Variants in NEBL observed in about 807,000 individuals in gnomAD.
The protein encoded by NEBL is nebulette.
A neutral mutation model predicts 140.2 loss-of-function variants in NEBL; 122 were observed. That is an observed-to-expected ratio of 0.87 (90% CI 0.75 to 1.01). The LOEUF (loss-of-function observed/expected upper bound fraction) is 1.01. Among genes scored for constraint, NEBL ranks in the 50% least tolerant of loss-of-function variants. The probability of loss-of-function intolerance (pLI) is 0.00; values close to 1 mark genes in which losing one functional copy is unlikely to be tolerated. For synonymous variants in NEBL, 436 were observed against 398.9 expected (o/e 1.09, Z -1.11); for missense variants, 1,365 against 1,231.3 (o/e 1.11, Z -1.62).
chr10:20,997,300 G>T (rs1347691637), intron 3 of NEBL, among the ~76,000 whole-genome samples: 1 of 151,840 alleles, frequency 6.6e-6, no homozygotes, highest in Non-Finnish European at 1.5e-5. Flanking sequence ...GCCAGTAACA[G>T]TCCCTGTTAC....
At chr10:20,796,162 G>A (rs1012785284) in intron 26 of NEBL, among the ~76,000 whole-genome samples, 14 of 151,786 alleles carry the variant, frequency 9.2e-5, no homozygotes, top group Admixed American at 2.6e-4. Flanking sequence ...TCAGGAGTTC[G>A]AGACCAGCCT....
intron 2 of NEBL, among the ~76,000 whole-genome samples, chr10:21,027,226 G>C (rs1477528137): frequency 6.6e-6 from 1 of 151,746 alleles, no homozygotes; most frequent in African/African-American, 2.4e-5. Context: ...GGGGACCCCA[G>C]CACAGGCCCC....
chr10:20,859,808 A>G lies in NEBL; in HGVS notation c.703T>C (p.Phe235Leu), dbSNP rs1250613467. The change falls in exon 8 of 28, where the codon TTT becomes CTT. Residue 235 changes from phenylalanine to leucine, a missense_variant. Transcript: ENST00000377122. ...TTCTTATCCTTCATTTCATTATCAAATTTTTCTTTGTATTTAATCTGTCAT... is the reference window on the plus strand; with the variant it reads ...TTCTTATCCTTCATTTCATTATCAAGTTTTTCTTTGTATTTAATCTGTCAT... Reference protein sequence around the residue: ...LSSQIKYKEKFDNEMKDKKHH... With the variant: ...LSSQIKYKEKLDNEMKDKKHH... The G allele has an allele frequency of 6.5e-7, 1 of 1,544,808 alleles. No homozygotes were observed. The highest frequency in any genetic ancestry group is 8.9e-7 in the Non-Finnish European group (1 of 1,120,622).
At chr10:21,245,145 C>T (rs192256985) in intron 3 of NEBL, among the ~76,000 whole-genome samples, 199 of 152,122 alleles carry the variant, frequency 1.3e-3, no homozygotes, top group African/African-American at 4.3e-3. Context: ...GCCTGGGCAA[C>T]GGAGCAAGAC....
At chr10:20,886,665 C>T (rs550379556) in intron 4 of NEBL, among the ~76,000 whole-genome samples, 10 of 152,254 alleles carry the variant, frequency 6.6e-5, no homozygotes, top group Admixed American at 2.0e-4. Flanking sequence ...ATTCATGTGC[C>T]GGCGCTGCCA....
intron 2 of NEBL, among the ~76,000 whole-genome samples, chr10:21,026,606 G>A (rs772110357): frequency 5.3e-5 from 8 of 152,012 alleles, no homozygotes; most frequent in South Asian, 2.1e-4. Flanking sequence ...CTGGCTTTCC[G>A]TTTACCTAAC....
chr10:21,088,807 G>A (rs1243229808), intron 2 of NEBL, among the ~76,000 whole-genome samples: 1 of 152,206 alleles, frequency 6.6e-6, no homozygotes, highest in Non-Finnish European at 1.5e-5. Context: ...ACTAAGATAA[G>A]AAGTATCTGC....
chr10:21,005,138 T>G (rs917165919), intron 3 of NEBL, among the ~76,000 whole-genome samples: 4 of 152,188 alleles, frequency 2.6e-5, no homozygotes, highest in African/African-American at 9.7e-5. Context: ...AAAGTTCAAT[T>G]GCAGCTGTTA....
chr10:21,069,243 G>C (rs925594759), intron 2 of NEBL, among the ~76,000 whole-genome samples: 1 of 152,112 alleles, frequency 6.6e-6, no homozygotes, highest in Non-Finnish European at 1.5e-5. Flanking sequence ...AGCTTTCTGC[G>C]CTGGTTGCCC....
chr10:20,850,243 C>T (rs1244116659), intron 11 of NEBL, 152 bp downstream of exon 11: 1 of 661,240 alleles, frequency 1.5e-6, no homozygotes, highest in Non-Finnish European at 2.7e-6. Context: ...AGACAAGATC[C>T]CAGGCAGTGG....
intron 2 of NEBL, among the ~76,000 whole-genome samples, chr10:21,074,972 T>A (rs1836000320): frequency 6.6e-6 from 1 of 151,444 alleles, no homozygotes; most frequent in Admixed American, 6.6e-5. Context: ...CCCAGCTAAT[T>A]TTTTGTATTT....
At chr10:21,235,630 A>C (rs1344237977) in intron 3 of NEBL, among the ~76,000 whole-genome samples, 1 of 152,216 alleles carries the variant, frequency 6.6e-6, no homozygotes, top group Non-Finnish European at 1.5e-5. Context: ...GCATTTTTAG[A>C]ATTCAACAGT....
intron 26 of NEBL, among the ~76,000 whole-genome samples, chr10:20,789,307 A>C (rs7076759): frequency 0.12 from 18,060 of 152,266 alleles, 1,413 homozygotes; most frequent in African/African-American, 0.22. Flanking sequence ...ATTAAATTCT[A>C]ATTCATTGTT....
intron 26 of NEBL, among the ~76,000 whole-genome samples, chr10:20,801,866 G>A (rs769236885): frequency 2.1e-4 from 32 of 152,230 alleles, no homozygotes; most frequent in South Asian, 6.2e-4. Flanking sequence ...GGCTAGGGTG[G>A]GTTAAACTGC....
At chr10:21,189,321 A>G (rs2132215081) in intron 3 of NEBL, among the ~76,000 whole-genome samples, 1 of 152,280 alleles carries the variant, frequency 6.6e-6, no homozygotes, top group African/African-American at 2.4e-5. Flanking sequence ...ATGCAACCAC[A>G]AGCCAAGGAA....
intron 2 of NEBL, among the ~76,000 whole-genome samples, chr10:21,122,812 G>A (rs931489283): frequency 2.0e-5 from 3 of 152,142 alleles, no homozygotes; most frequent in Non-Finnish European, 4.4e-5. Context: ...GGAAATGAGA[G>A]AAAGAACAGC....
At chr10:20,999,468 G>A (rs1837801107) in intron 3 of NEBL, among the ~76,000 whole-genome samples, 1 of 152,138 alleles carries the variant, frequency 6.6e-6, no homozygotes, top group Non-Finnish European at 1.5e-5. Flanking sequence ...GCATAGTGAT[G>A]CATGCCTGTA....
chr10:21,083,741 A>G (rs4025874), intron 2 of NEBL, among the ~76,000 whole-genome samples: 98,719 of 152,056 alleles, frequency 0.65, 34,163 homozygotes, highest in Middle Eastern at 0.83. Context: ...GCTACTTAGG[A>G]GGCTGAGGCA....
Position 21,029,317 on chromosome 10 carries a change from G to A in NEBL, c.165-9116C>T. The A allele has an allele frequency of 4.3e-6, 7 of 1,610,512 alleles. No homozygotes were observed. In the Admixed American group the frequency reaches 1.2e-4, roughly 27 times the overall value. On this transcript the variant is annotated intron_variant, in intron 2 of 6. Coordinates refer to the NEBL transcript ENST00000417816. ...TTTTCTAGGGAACCTATCCTATGAT[G>A]TGACAGAAGAGTCAATTAAGGAATT...
Sources: gnomAD v4.1 joint callset for allele counts (sites outside exome capture counted in the v4.1 genomes callset) on GRCh38, gnomAD v4.1.1 for gene constraint, MANE v1.5 for transcripts, NCBI Gene and HGNC (gene_info 2026-07-23, HGNC 2026-07-21) for gene names.